The following GSDMA variants were observed in gnomAD, a reference collection of about 807,000 sequenced individuals.
GSDMA encodes the protein gasdermin A.
GSDMA carries 55 observed loss-of-function variants against 54.3 expected under a neutral mutation model. The observed-to-expected ratio is 1.01, with a 90% CI of 0.82 to 1.27. The LOEUF is 1.27. Among genes scored for constraint, GSDMA ranks in the 50% most tolerant of loss-of-function variants. The pLI is 0.00. For synonymous variants in GSDMA, 211 were observed against 224.7 expected, an observed-to-expected ratio of 0.94 and a Z score of 0.54; for missense variants, 542 against 542.6, an observed-to-expected ratio of 1.00 and a Z score of 0.01.
rs1428127177 is a variant in GSDMA, at chr17:39,976,011, A to G, written c.1095+14A>G. 6.4e-7 allele frequency: 1 copy of G among 1,572,058 alleles called. No homozygotes were observed. Among genetic ancestry groups the G allele is most frequent in the Admixed American group, 1.8e-5 (1 of 54,300 alleles). On this transcript the variant is annotated intron_variant, in intron 11 of 11. Transcript: ENST00000301659. ...CAGCTAAAGCTGGTGAGGGAAAAAC[A>G]GCAGATGCTGGGGAGAGTCTGGGAG...
Position 39,977,286 on chromosome 17 carries a change from T to TA in GSDMA, c.*228_*229insA. The TA allele has an allele frequency of 3.3e-6, 1 of 306,354 alleles. No individual in the cohort carries two copies. The highest frequency in any genetic ancestry group is 2.8e-5 in the African/African-American group (1 of 35,302). 19.0% of individuals were successfully genotyped at this position (306,354 alleles called of 1,614,324 possible). The stretch of plus-strand genomic sequence containing the variant: ...CTGATGCTTAAATTTTCTTTACTTT[T>TA]CTTTTCTTTTTTTTTTTTTTTTTGA... On this transcript the variant is annotated 3_prime_UTR_variant, in exon 12 of 12. Coordinates refer to ENST00000301659, the MANE Select transcript of GSDMA (RefSeq NM_178171.5).
chr17:39,963,691 T>C (rs569191455), intron 1 of GSDMA, among the ~76,000 whole-genome samples: 8 of 152,174 alleles, frequency 5.3e-5, no homozygotes, highest in African/African-American at 1.9e-4. Flanking sequence ...CCGTCTCTAC[T>C]AAAAACACAA....
intron 10 of GSDMA, 69 bp downstream of exon 10, chr17:39,975,083 C>A: frequency 1.2e-6 from 1 of 818,486 alleles, no homozygotes; most frequent in Non-Finnish European, 2.1e-6. Flanking sequence ...TGAATCAATT[C>A]CCAAATGGAT....
chr17:39,972,100 T>TTGCCCCC, intron 5 of GSDMA, 29 bp from the exon 6 acceptor site: 1 of 835,096 alleles, frequency 1.2e-6, no homozygotes, highest in Non-Finnish European at 2.0e-6. Context: ...CTAAGTGTCC[T>TTGCCCCC]CCCACCCTCC....
In GSDMA at chr17:39,972,202, C is replaced by T. The variant is rs578073508; in HGVS notation, c.703+26C>T. ...GTAAGTGAAATTGCTTACGGGCTTCCCACATCTTCCGCCCTACCCCTGACA... is the reference window on the plus strand; with the variant it reads ...GTAAGTGAAATTGCTTACGGGCTTCTCACATCTTCCGCCCTACCCCTGACA... On this transcript the variant is annotated intron_variant, in intron 6 of 11. Coordinates refer to ENST00000301659, the MANE Select transcript of GSDMA (RefSeq NM_178171.5). 6.6e-6 allele frequency: 10 copies of T among 1,522,600 alleles called. No individual in the cohort carries two copies. The South Asian group carries it at 1.1e-4, about 16-fold the overall frequency. The allele number at this position is 1,522,600 out of a possible 1,614,324, so 94.3% of individuals were successfully genotyped here.
At chr17:39,972,277 A>G (rs1650005466) in intron 6 of GSDMA, 101 bp downstream of exon 6, 1 of 834,332 alleles carries the variant, frequency 1.2e-6, no homozygotes, top group Admixed American at 2.3e-5. Context: ...ATAATCCCCC[A>G]AGGAGCCTCT....
intron 1 of GSDMA, among the ~76,000 whole-genome samples, chr17:39,965,246 A>AATGG (rs1598301600): frequency 1.7e-5 from 1 of 59,906 alleles, no homozygotes; most frequent in African/African-American, 1.1e-4. Context: ...GGAAGGAAGA[A>AATGG]AGGGAGGGAG....
chr17:39,972,019 TG>T, intron 5 of GSDMA, 109 bp from the exon 6 acceptor site: 2 of 665,068 alleles, frequency 3.0e-6, no homozygotes, highest in Admixed American at 2.8e-5. Context: ...ATGAAGCATT[TG>T]GGGTGCAAGG....
At chr17:39,976,021 G>A (rs751437120) in intron 11 of GSDMA, 24 bp downstream of exon 11, 4 of 1,550,852 alleles carry the variant, frequency 2.6e-6, no homozygotes, top group Non-Finnish European at 3.5e-6. Context: ...AGCAGATGCT[G>A]GGGAGAGTCT....
In GSDMA at chr17:39,977,105, T is replaced by C. The variant is rs371751510; in HGVS notation, c.*47T>C. ...ATGACTCCCTAATGCCTTCCCAACC[T>C]CGTGGTGCTGTGTCCTTACCACCTA... is the stretch of plus-strand genomic sequence containing the variant. On this transcript the variant is annotated 3_prime_UTR_variant, in exon 12 of 12. Transcript: ENST00000301659. The C allele has an allele frequency of 4.9e-4, 793 of 1,604,224 alleles. No individual in the cohort carries two copies. The highest frequency in any genetic ancestry group is 6.1e-4 in the Non-Finnish European group (716 of 1,173,790).
At chr17:39,972,492 T>C in intron 6 of GSDMA, 95 bp from the exon 7 acceptor site, 2 of 1,153,522 alleles carry the variant, frequency 1.7e-6, no homozygotes, top group Non-Finnish European at 2.6e-6. Flanking sequence ...TGTGTTTTTA[T>C]AATGATCACT....
chr17:39,966,128 T>C, intron 2 of GSDMA, 132 bp from the exon 3 acceptor site: 2 of 966,682 alleles, frequency 2.1e-6, no homozygotes. Flanking sequence ...GTTCTTGCTT[T>C]GTTGCCCAGG....
intron 9 of GSDMA, 111 bp from the exon 10 acceptor site, chr17:39,974,789 G>T (rs1469506383): frequency 1.4e-6 from 1 of 698,348 alleles, no homozygotes; most frequent in Non-Finnish European, 2.5e-6. Context: ...CCTCGAAAAA[G>T]AAATCAGGAA....
chr17:39,965,624 G>C, intron 1 of GSDMA, 59 bp from the exon 2 acceptor site: 1 of 1,324,374 alleles, frequency 7.6e-7, no homozygotes, highest in Non-Finnish European at 1.1e-6. Flanking sequence ...CCTATATCCC[G>C]GGCTCCTTGG....
intron 10 of GSDMA, among the ~76,000 whole-genome samples, chr17:39,975,641 TTTC>T (rs1049652144): frequency 1.3e-5 from 2 of 152,148 alleles, no homozygotes; most frequent in Non-Finnish European, 2.9e-5. Context: ...GGAGTAACAT[TTTC>T]TTATCTTGCC....
Position 39,973,835 on chromosome 17 carries a change from G to A in GSDMA, c.751+5G>A. 1 of 1,612,670 alleles carries A rather than the reference G, an allele frequency of 6.2e-7. No homozygotes were observed. On this transcript the variant is annotated splice_donor_5th_base_variant and intron_variant, in intron 8 of 11. Coordinates refer to ENST00000301659, the MANE Select transcript of GSDMA (RefSeq NM_178171.5). ...TTATCCAGGCATCTGATGTTGGTAA[G>A]GAACTTTGTGAGTTTCTCCCAAGAC...
At position 39,974,326 on chromosome 17, in the gene GSDMA, C is replaced by T. The variant is rs780771486; in HGVS notation, c.805C>T (p.Gln269Ter). 2.5e-6 allele frequency: 4 copies of T among 1,610,402 alleles called. No homozygotes were observed. The highest frequency in any genetic ancestry group is 3.4e-6 in the Non-Finnish European group (4 of 1,178,448). ...AAAAGAAGAAGTTCAGAGAGAGACC[C>T]AACAAGTGGAGAAGCTGAGCCGAGT... ...TLKEEVQRET[Q>*]QVEKLSRVGQ... The change falls in exon 9 of 12, where the codon CAA (glutamine) becomes TAA (stop). Residue 269 changes from glutamine to a stop codon, truncating the protein, a stop_gained. Coordinates refer to ENST00000301659, the MANE Select transcript of GSDMA (RefSeq NM_178171.5). LOFTEE classifies it high-confidence loss of function.
chr17:39,970,454 C>T (rs748983593), intron 3 of GSDMA, 28 bp from the exon 4 acceptor site: 186 of 1,537,166 alleles, frequency 1.2e-4, no homozygotes, highest in Admixed American at 2.7e-4. Context: ...GAGCTCTGAA[C>T]GGTTCCCTTA....
chr17:39,966,589 G>A (rs992685224), intron 3 of GSDMA, among the ~76,000 whole-genome samples, 152 bp downstream of exon 3: 3 of 152,088 alleles, frequency 2.0e-5, no homozygotes, highest in East Asian at 1.9e-4. Context: ...AACCCTTCTG[G>A]CCCATGGCTG....
Sources: allele counts gnomAD v4.1 joint callset (sites outside exome capture counted in the v4.1 genomes callset), GRCh38; gene constraint gnomAD v4.1.1; transcripts MANE v1.5; gene names NCBI Gene and HGNC (gene_info 2026-07-23, HGNC 2026-07-21).